The following ST6GAL1 variants were observed in gnomAD, a reference collection of about 807,000 sequenced individuals.
ST6GAL1 encodes the protein beta-galactoside alpha-2,6-sialyltransferase 1.
ST6GAL1 carries 20 observed loss-of-function variants against 38.0 expected under a neutral mutation model. That is an observed-to-expected ratio of 0.53 (90% CI 0.37 to 0.77). ST6GAL1 has a LOEUF of 0.77. ST6GAL1 is among the 30% of genes least tolerant of loss of function. The pLI, the probability that ST6GAL1 is intolerant of heterozygous loss-of-function variation, is 0.00. For missense variants in ST6GAL1, 432 were observed against 496.4 expected (o/e 0.87, Z 1.23); for synonymous variants, 196 against 188.2 (o/e 1.04, Z -0.34).
intron 1 of ST6GAL1, among the ~76,000 whole-genome samples, chr3:186,949,520 G>A (rs1714505653): frequency 6.6e-6 from 1 of 152,130 alleles, no homozygotes; most frequent in African/African-American, 2.4e-5. Context: ...ATTTGGATGA[G>A]GGGAAAAAAC....
chr3:187,066,419 A>C (rs1487805772), intron 5 of ST6GAL1, among the ~76,000 whole-genome samples: 2 of 152,090 alleles, frequency 1.3e-5, no homozygotes, highest in Non-Finnish European at 2.9e-5. Context: ...TGACACATTT[A>C]ATCCTAATTA....
At chr3:187,026,865 G>A (rs1012359949) in intron 2 of ST6GAL1, among the ~76,000 whole-genome samples, 7 of 152,058 alleles carry the variant, frequency 4.6e-5, no homozygotes, top group African/African-American at 1.7e-4. Context: ...CTAACACGGT[G>A]AAACCCCATC....
At chr3:186,989,368 T>G (rs1381376116) in intron 2 of ST6GAL1, among the ~76,000 whole-genome samples, 1 of 152,224 alleles carries the variant, frequency 6.6e-6, no homozygotes, top group East Asian at 1.9e-4. Flanking sequence ...TATAAAAACA[T>G]TTCTTAATTA....
chr3:187,047,470 T>C (rs540135136), intron 4 of ST6GAL1, among the ~76,000 whole-genome samples: 2 of 152,348 alleles, frequency 1.3e-5, no homozygotes, highest in African/African-American at 2.4e-5. Flanking sequence ...TTTATGAATT[T>C]ACTAACTTGA....
chr3:187,009,720 T>C (rs966671090), intron 2 of ST6GAL1, among the ~76,000 whole-genome samples: 2 of 152,200 alleles, frequency 1.3e-5, no homozygotes, highest in Admixed American at 1.3e-4. Context: ...TCGTGACCCA[T>C]TGTGGCTGGG....
chr3:186,973,727 C>G (rs1318250036), intron 2 of ST6GAL1, among the ~76,000 whole-genome samples: 2 of 152,198 alleles, frequency 1.3e-5, no homozygotes, highest in African/African-American at 2.4e-5. Context: ...CTCTCCTCCT[C>G]TCCTGGAGGC....
At chr3:186,991,290 G>C (rs1329465372) in intron 2 of ST6GAL1, among the ~76,000 whole-genome samples, 1 of 152,144 alleles carries the variant, frequency 6.6e-6, no homozygotes. Flanking sequence ...GCCTAGCGGT[G>C]TGGTAGGTGC....
chr3:186,961,869 C>G (rs1006806953), intron 1 of ST6GAL1, among the ~76,000 whole-genome samples: 73 of 152,152 alleles, frequency 4.8e-4, no homozygotes, highest in Middle Eastern at 3.2e-3. Flanking sequence ...GTCAGCCCAG[C>G]AGTGCCCACT....
intron 1 of ST6GAL1, among the ~76,000 whole-genome samples, chr3:186,939,981 G>C (rs1415788880): frequency 6.6e-6 from 1 of 152,184 alleles, no homozygotes; most frequent in Non-Finnish European, 1.5e-5. Context: ...CCTCTAACTT[G>C]CTGTTACACC....
intron 2 of ST6GAL1, among the ~76,000 whole-genome samples, chr3:186,967,910 C>G (rs1260434813): frequency 6.6e-6 from 1 of 152,234 alleles, no homozygotes; most frequent in African/African-American, 2.4e-5. Context: ...AGCCCACTTC[C>G]TGCCTTAGCC....
At chr3:187,066,888 A>T (rs1286760540) in intron 5 of ST6GAL1, among the ~76,000 whole-genome samples, 1 of 151,956 alleles carries the variant, frequency 6.6e-6, no homozygotes, top group Admixed American at 6.6e-5. Context: ...GAACAGCTTT[A>T]TTCTTCCAGG....
chr3:187,059,280 G>C (rs1476496097), intron 5 of ST6GAL1, among the ~76,000 whole-genome samples: 1 of 152,180 alleles, frequency 6.6e-6, no homozygotes, highest in Non-Finnish European at 1.5e-5. Flanking sequence ...TTGCCCCGTA[G>C]AGAGAGATGA....
In ST6GAL1 at chr3:187,075,503, G is replaced by A. The variant is rs1400857174; in HGVS notation, c.980-59G>A. The A allele has an allele frequency of 6.3e-7, 1 of 1,593,968 alleles. No individual in the cohort carries two copies. Among genetic ancestry groups the A allele is most frequent in the African/African-American group, 1.3e-5 (1 of 74,610 alleles). On this transcript the variant is annotated intron_variant, in intron 7 of 7. Transcript: ENST00000169298. This position sits in a 1 kb window ranked among gnomAD's most constrained non-coding sequence, Gnocchi z 4.1. ...CATGAGCTGCTGAACCCACTGGGCA[G>A]AGCTCTGGGGTGCTGGGGTGGGTTG... is the stretch of plus-strand genomic sequence containing the variant.
intron 2 of ST6GAL1, among the ~76,000 whole-genome samples, chr3:187,001,696 TC>T (rs1716622342): frequency 6.6e-6 from 1 of 152,100 alleles, no homozygotes; most frequent in Non-Finnish European, 1.5e-5. Flanking sequence ...AGTGGCTCAC[TC>T]CTGTAATCTC....
rs9875078 is a variant in ST6GAL1 at position 187,076,944 on chromosome 3, C to A, written c.*1141C>A. ...CCAGTCCCATTCTTCCTTTTCAATA[C>A]CTACCCCCAAATCTTCTCCTAACCA... On this transcript the variant is annotated 3_prime_UTR_variant, in exon 8 of 8. Transcript: ENST00000169298. 0.15 allele frequency: 60,111 copies of A among 398,074 alleles called. 5,255 individuals carry two copies. Among genetic ancestry groups the A allele is most frequent in the African/African-American group, 0.28 (13,358 of 48,300 alleles). The allele number at this position is 398,074 out of a possible 1,614,324, so 24.7% of individuals were successfully genotyped here. A position where few individuals can be genotyped will look rare whatever the true frequency, so the allele number is the denominator to read the frequency against.
chr3:186,968,277 T>C (rs1029156565), intron 2 of ST6GAL1, among the ~76,000 whole-genome samples: 1 of 152,176 alleles, frequency 6.6e-6, no homozygotes, highest in African/African-American at 2.4e-5. Flanking sequence ...TGAGTGAAGA[T>C]GAATAATTAT....
chr3:187,042,471 C>A (rs1718158263), intron 3 of ST6GAL1, among the ~76,000 whole-genome samples, 183 bp from the exon 4 acceptor site: 1 of 152,070 alleles, frequency 6.6e-6, no homozygotes, highest in Non-Finnish European at 1.5e-5. Flanking sequence ...ACGTTCAAAG[C>A]CCAAATTGAG....
intron 2 of ST6GAL1, among the ~76,000 whole-genome samples, chr3:187,001,246 A>G (rs532168582): frequency 2.0e-5 from 3 of 152,218 alleles, no homozygotes; most frequent in Non-Finnish European, 4.4e-5. Context: ...CCTGCATGTC[A>G]CTTTCCATAC....
intron 1 of ST6GAL1, among the ~76,000 whole-genome samples, chr3:186,935,415 TG>T (rs1713915301): frequency 6.6e-6 from 1 of 152,178 alleles, no homozygotes; most frequent in Non-Finnish European, 1.5e-5. Context: ...AGGCTACTGT[TG>T]ATGGGTATTT....
Sources: allele counts gnomAD v4.1 joint callset (sites outside exome capture counted in the v4.1 genomes callset), GRCh38; gene constraint gnomAD v4.1.1; non-coding constraint Gnocchi (gnomAD v3.1); transcripts MANE v1.5; gene names NCBI Gene and HGNC (gene_info 2026-07-23, HGNC 2026-07-21).